NIPBL: variants seen among roughly 807,000 people sequenced by gnomAD.
NIPBL encodes NIPBL cohesin loading factor.
NIPBL carries 19 observed loss-of-function variants against 321.8 expected under a neutral mutation model. That is an observed-to-expected ratio of 0.06 (90% confidence interval 0.04 to 0.09). NIPBL has a LOEUF of 0.09. NIPBL is among the 10% of genes least tolerant of loss of function. The pLI, the probability that NIPBL is intolerant of heterozygous loss-of-function variation, is 1.00. For synonymous variants in NIPBL, 1,106 were observed against 1,114.1 expected (o/e 0.99, Z 0.14); for missense variants, 2,210 against 3,327.0 (o/e 0.66, Z 8.26).
chr5:36,894,208 G>A (rs1185956459), intron 1 of NIPBL, among the ~76,000 whole-genome samples: 1 of 152,194 alleles, frequency 6.6e-6, no homozygotes, highest in South Asian at 2.1e-4. Flanking sequence ...TTATTAGGAA[G>A]GAAGGTATTT....
chr5:36,943,916 G>C (rs1739381743), intron 1 of NIPBL, among the ~76,000 whole-genome samples: 1 of 152,094 alleles, frequency 6.6e-6, no homozygotes, highest in Non-Finnish European at 1.5e-5. Flanking sequence ...CTTGCCCACT[G>C]AATCTAGCAA....
At chr5:37,019,197 G>A (rs1749345022) in intron 24 of NIPBL, 114 bp from the exon 25 acceptor site, 1 of 735,876 alleles carries the variant, frequency 1.4e-6, no homozygotes. Flanking sequence ...AGTTACTGTG[G>A]TTGTATTTTC....
At position 37,063,991 on chromosome 5, in the gene NIPBL, A is replaced by C; in HGVS notation, c.8049+13A>C. 4.3e-6 allele frequency: 7 copies of C among 1,613,672 alleles called. No homozygotes were observed. Among genetic ancestry groups the C allele is most frequent in the Non-Finnish European group, 5.9e-6 (7 of 1,179,884 alleles). Reference sequence around the variant, plus strand: ...AGGCACTTCAGGGGTGAGGCGGAGGAGGAGTCAACGTATTTCGCAGCGTAT... The same window carrying C: ...AGGCACTTCAGGGGTGAGGCGGAGGCGGAGTCAACGTATTTCGCAGCGTAT... On this transcript the variant is annotated intron_variant, in intron 46 of 46. Transcript: ENST00000282516.
chr5:36,949,491 TATGAGGATTAA>T (rs947198084), intron 1 of NIPBL, among the ~76,000 whole-genome samples: 19 of 151,876 alleles, frequency 1.3e-4, no homozygotes, highest in Admixed American at 2.6e-4. Flanking sequence ...CTCAGGTTCA[TATGAGGATTAA>T]ATGAGGATTA....
At chr5:36,993,819 T>C (rs1364291012) in intron 10 of NIPBL, among the ~76,000 whole-genome samples, 6 of 152,086 alleles carry the variant, frequency 3.9e-5, no homozygotes, top group African/African-American at 1.4e-4. Flanking sequence ...GTCTATCAAA[T>C]ACAGCAACTC....
intron 1 of NIPBL, among the ~76,000 whole-genome samples, chr5:36,929,484 A>G (rs1449467020): frequency 1.3e-5 from 2 of 152,118 alleles, no homozygotes; most frequent in African/African-American, 2.4e-5. Flanking sequence ...TGATTTGGCA[A>G]TATTTTCTCC....
intron 1 of NIPBL, among the ~76,000 whole-genome samples, chr5:36,906,044 C>G (rs1747610621): frequency 1.3e-5 from 2 of 152,134 alleles, no homozygotes; most frequent in Admixed American, 6.5e-5. Context: ...GCACCTGACC[C>G]TGAAAAGTAT....
intron 23 of NIPBL, 28 bp from the exon 24 acceptor site, chr5:37,016,986 ATCTAT>A: frequency 7.2e-7 from 1 of 1,390,264 alleles, no homozygotes; most frequent in South Asian, 1.3e-5. Flanking sequence ...ATTGTTATAA[ATCTAT>A]TCAATCAAAA....
chr5:36,953,495 A>G (rs1436372438), intron 1 of NIPBL, 123 bp from the exon 2 acceptor site: 10 of 600,900 alleles, frequency 1.7e-5, no homozygotes, highest in Non-Finnish European at 3.0e-5. Context: ...GTATGTGAAA[A>G]TGATTATTAT....
chr5:36,987,716 T>C (rs1744989292), intron 10 of NIPBL, among the ~76,000 whole-genome samples: 1 of 152,190 alleles, frequency 6.6e-6, no homozygotes, highest in Non-Finnish European at 1.5e-5. Flanking sequence ...TTTGTGTTCT[T>C]TGAGTGAAGC....
At chr5:37,030,543 A>G (rs974591129) in intron 32 of NIPBL, among the ~76,000 whole-genome samples, 2 of 152,188 alleles carry the variant, frequency 1.3e-5, no homozygotes, top group Non-Finnish European at 2.9e-5. Context: ...ATGAGCACAT[A>G]TGCATGCATT....
At chr5:37,002,882 T>C (rs1746982006) in intron 15 of NIPBL, 117 bp downstream of exon 15, 5 of 676,194 alleles carry the variant, frequency 7.4e-6, no homozygotes, top group Middle Eastern at 8.1e-4. Context: ...AGAAAACTCA[T>C]TGTTGACTTC....
chr5:37,030,387 A>G (rs1479602252), intron 32 of NIPBL, among the ~76,000 whole-genome samples: 4 of 152,176 alleles, frequency 2.6e-5, no homozygotes, highest in Non-Finnish European at 1.5e-5. Flanking sequence ...TCATATATAT[A>G]TATATGACAG....
At chr5:36,939,984 G>A (rs2149582076) in intron 1 of NIPBL, among the ~76,000 whole-genome samples, 1 of 152,230 alleles carries the variant, frequency 6.6e-6, no homozygotes, top group Admixed American at 6.5e-5. Context: ...AAGCAGCTAT[G>A]AACATTCATT....
rs1433718155 is a variant in NIPBL, at chr5:37,020,519, G to A, written c.5071G>A (p.Ala1691Thr). Residue 1691 changes from alanine to threonine, a missense_variant, in exon 26 of 47, where the codon GCA (alanine) becomes ACA (threonine). Coordinates refer to ENST00000282516, the MANE Select transcript of NIPBL (RefSeq NM_133433.4). ...FRDTTLETEK[A>T]MKSQKDEESS... Reference sequence around the variant, plus strand: ...AGACACAACTCTGGAAACAGAAAAAGCAATGAAATCACAAAAAGATGAAGA... The same window carrying A: ...AGACACAACTCTGGAAACAGAAAAAACAATGAAATCACAAAAAGATGAAGA... 3 of 1,613,890 alleles carry A rather than the reference G, an allele frequency of 1.9e-6. No homozygotes were observed. The highest frequency in any genetic ancestry group is 1.1e-5 in the South Asian group (1 of 91,066).
At chr5:37,040,206 A>C (rs1420652651) in intron 34 of NIPBL, among the ~76,000 whole-genome samples, 2 of 152,162 alleles carry the variant, frequency 1.3e-5, no homozygotes, top group Non-Finnish European at 2.9e-5. Flanking sequence ...GATTTTTTTA[A>C]AACAAAATCA....
intron 27 of NIPBL, among the ~76,000 whole-genome samples, chr5:37,021,134 A>C (rs1265223155): frequency 6.6e-6 from 1 of 152,158 alleles, no homozygotes; most frequent in Non-Finnish European, 1.5e-5. Flanking sequence ...CCCCGTCTCT[A>C]CTAAAAATAC....
At chr5:37,043,844 G>C (rs1752705491) in intron 34 of NIPBL, among the ~76,000 whole-genome samples, 1 of 152,178 alleles carries the variant, frequency 6.6e-6, no homozygotes, top group South Asian at 2.1e-4. Context: ...TGCATTGCAG[G>C]TTGTTAAGCA....
chr5:37,002,319 C>G (rs1317246323), intron 14 of NIPBL, among the ~76,000 whole-genome samples: 1 of 152,244 alleles, frequency 6.6e-6, no homozygotes, highest in African/African-American at 2.4e-5. Flanking sequence ...ACAGGGCACC[C>G]TACTGGCCAA....
Sources: allele counts gnomAD v4.1 joint callset (sites outside exome capture counted in the v4.1 genomes callset), GRCh38; gene constraint gnomAD v4.1.1; transcripts MANE v1.5; gene names NCBI Gene and HGNC (gene_info 2026-07-23, HGNC 2026-07-21).